PDK3: variants seen among roughly 807,000 people sequenced by gnomAD.
PDK3 encodes pyruvate dehydrogenase kinase 3.
In PDK3, 12 loss-of-function variants were observed where a neutral mutation model predicts 32.0. That is an observed-to-expected ratio of 0.37 (90% CI 0.24 to 0.61). The LOEUF is 0.61. Ranked by LOEUF, PDK3 falls within the 20% of genes least tolerant of loss-of-function variation. The probability of loss-of-function intolerance (pLI) is 0.65; values close to 1 mark genes in which losing one functional copy is unlikely to be tolerated. For missense variants in PDK3, 188 were observed against 316.9 expected, an observed-to-expected ratio of 0.59 and a Z score of 3.09; for synonymous variants, 122 against 116.3, an observed-to-expected ratio of 1.05 and a Z score of -0.31.
chrX:24,527,953 G>A lies in PDK3; in HGVS notation c.853-123G>A, dbSNP rs1391342893. 6.3e-6 allele frequency: 3 copies of A among 477,673 alleles called. No individual in the cohort carries two copies. In the African/African-American group the frequency reaches 7.2e-5, roughly 11 times the overall value. The allele number at this position is 477,673 out of a possible 1,213,427, so 39.4% of individuals were successfully genotyped here. A position where few individuals can be genotyped will look rare whatever the true frequency, so the allele number is the denominator to read the frequency against. ...CACAAAGGAACCGTATGTCACTGGG[G>A]GATTCAAAGTCCTTGTACATTGTGG... On this transcript the variant is annotated intron_variant, in intron 8 of 10. Coordinates refer to ENST00000379162, the MANE Select transcript of PDK3 (RefSeq NM_005391.5).
chrX:24,502,038 TG>T (rs1340684073), intron 3 of PDK3, among the ~76,000 whole-genome samples: 2 of 112,014 alleles, frequency 1.8e-5, no homozygotes, highest in African/African-American at 3.2e-5. Flanking sequence ...TTAAGTTTTT[TG>T]TTTTTTTTCT....
intron 1 of PDK3, among the ~76,000 whole-genome samples, chrX:24,477,716 A>G (rs767577980): frequency 1.8e-5 from 2 of 111,387 alleles, no homozygotes; most frequent in South Asian, 7.3e-4. Flanking sequence ...ATCTATTGCC[A>G]TTTTCTGATG....
chrX:24,469,591 A>G (rs1920972539), intron 1 of PDK3, among the ~76,000 whole-genome samples: 2 of 109,859 alleles, frequency 1.8e-5, no homozygotes, highest in African/African-American at 6.6e-5. Flanking sequence ...GCCCTGGGCA[A>G]CATAGTGAGA....
downstream of PDK3, among the ~76,000 whole-genome samples, chrX:24,538,906 C>T (rs938616503): frequency 8.9e-6 from 1 of 112,156 alleles, no homozygotes; most frequent in African/African-American, 3.2e-5. Flanking sequence ...TTAGCAGTCA[C>T]TCTATATTTC....
At chrX:24,532,575 T>C (rs896350825) in intron 10 of PDK3, among the ~76,000 whole-genome samples, 33 of 111,409 alleles carry the variant, frequency 3.0e-4, no homozygotes, top group African/African-American at 1.0e-3. Context: ...TTTTTTTGAA[T>C]AGGTAATATA....
rs763095558 is a variant in PDK3 at position 24,496,568 on chromosome X, C to CTTTT, written c.248+1705_248+1708dup. On this transcript the variant is annotated intron_variant, in intron 2 of 10. Coordinates refer to ENST00000379162, the MANE Select transcript of PDK3 (RefSeq NM_005391.5). ...CTAATTGTCCTGATACTACCCCCAT[C>CTTTT]TTTTTTTTTTTTTTTTTTTTTTTGC... Among the ~76,000 whole-genome samples, 40 of 39,315 alleles carry CTTTT rather than the reference C, an allele frequency of 1.0e-3. 2 individuals are homozygous for CTTTT. Among genetic ancestry groups the CTTTT allele is most frequent in the East Asian group, 7.2e-3 (8 of 1,109 alleles). 34.1% of individuals were successfully genotyped at this position (39,315 alleles called of 115,157 possible). A position where few individuals can be genotyped will look rare whatever the true frequency, so the allele number is the denominator to read the frequency against.
chrX:24,537,103 G>GTTTCT (rs201214884), downstream of PDK3, among the ~76,000 whole-genome samples: 4 of 96,087 alleles, frequency 4.2e-5, no homozygotes, highest in Admixed American at 1.2e-4. Context: ...AAGGAGTCTT[G>GTTTCT]TTTCTTTTCT....
At chrX:24,496,799 T>TTTTTA in intron 2 of PDK3, among the ~76,000 whole-genome samples, 1 of 81,253 alleles carries the variant, frequency 1.2e-5, no homozygotes, top group African/African-American at 4.8e-5. Flanking sequence ...TTTTTTTTTT[T>TTTTTA]GAGACAGAGT....
chrX:24,480,706 A>G (rs1169951612), intron 1 of PDK3, among the ~76,000 whole-genome samples: 1 of 112,674 alleles, frequency 8.9e-6, no homozygotes, highest in Non-Finnish European at 1.9e-5. Context: ...GTCCATCAGC[A>G]TTAGTTGAAA....
chrX:24,521,565 A>G (rs1172746313), intron 6 of PDK3, among the ~76,000 whole-genome samples: 1 of 110,897 alleles, frequency 9.0e-6, no homozygotes, highest in African/African-American at 3.3e-5. Context: ...CTCTCTTCCT[A>G]TGGACTAGGC....
exon 12 of PDK3, chrX:24,539,654 G>T (rs973216985): frequency 2.7e-5 from 3 of 112,474 alleles, no homozygotes; most frequent in Admixed American, 1.9e-4. Flanking sequence ...AGAGCCCTCC[G>T]TCTCTCCCGT....
chrX:24,546,897 T>C (rs7887681), exon 12 of PDK3: 3 of 112,980 alleles, frequency 2.7e-5, no homozygotes, highest in Admixed American at 1.9e-4. Context: ...ATGTCTGATA[T>C]AGTTACGTGC....
intron 9 of PDK3, among the ~76,000 whole-genome samples, chrX:24,531,161 G>A (rs1465399636): frequency 9.1e-6 from 1 of 109,975 alleles, no homozygotes; most frequent in Non-Finnish European, 1.9e-5. Flanking sequence ...CACCTCCTGG[G>A]TTCAGGCGAT....
intron 1 of PDK3, among the ~76,000 whole-genome samples, chrX:24,466,488 A>T (rs1255194442): frequency 8.9e-6 from 1 of 112,116 alleles, no homozygotes; most frequent in African/African-American, 3.2e-5. Context: ...CTCCAGGGGA[A>T]ATCGTAGGGT....
At chrX:24,549,059 A>C (rs1923051257) in exon 12 of PDK3, 1 of 112,010 alleles carries the variant, frequency 8.9e-6, no homozygotes, top group African/African-American at 3.2e-5. Context: ...CATTGAAAAA[A>C]TGTTGAAGTT....
intron 10 of PDK3, among the ~76,000 whole-genome samples, chrX:24,533,551 A>G (rs1390840839): frequency 8.9e-6 from 1 of 111,742 alleles, no homozygotes. Flanking sequence ...GCGATATTTA[A>G]TATACTTGAT....
At chrX:24,497,770 G>A (rs1171928461) in intron 2 of PDK3, among the ~76,000 whole-genome samples, 1 of 112,490 alleles carries the variant, frequency 8.9e-6, no homozygotes, top group Non-Finnish European at 1.9e-5. Flanking sequence ...AATAGGATTA[G>A]TGGCAATTAA....
chrX:24,533,497 G>T (rs1358729731), intron 10 of PDK3, among the ~76,000 whole-genome samples: 1 of 111,486 alleles, frequency 9.0e-6, no homozygotes, highest in Non-Finnish European at 1.9e-5. Context: ...AATTTAACCA[G>T]TTACTGGGAG....
chrX:24,537,483 C>T (rs1465279603), downstream of PDK3, among the ~76,000 whole-genome samples: 2 of 108,994 alleles, frequency 1.8e-5, no homozygotes, highest in Admixed American at 2.0e-4. Context: ...ATTGGGGATG[C>T]TTGTTATACC....
Sources: allele counts gnomAD v4.1 joint callset (sites outside exome capture counted in the v4.1 genomes callset), GRCh38; gene constraint gnomAD v4.1.1; transcripts MANE v1.5; gene names NCBI Gene and HGNC (gene_info 2026-07-23, HGNC 2026-07-21).